Variants in SLIT3 observed in about 807,000 individuals in gnomAD.
SLIT3 encodes the protein slit guidance ligand 3.
In SLIT3, 68 loss-of-function variants were observed where a neutral mutation model predicts 184.0. The ratio of observed to expected loss-of-function variants is 0.37; its 90% CI spans 0.30 to 0.45. SLIT3 has a LOEUF of 0.45. Among genes scored for constraint, SLIT3 ranks in the 20% least tolerant of loss-of-function variants. SLIT3 has a pLI of 1.00. For missense variants in SLIT3, 1,707 were observed against 2,026.0 expected (o/e 0.84, Z 3.02); for synonymous variants, 831 against 828.6 (o/e 1.00, Z -0.05).
intron 1 of SLIT3, among the ~76,000 whole-genome samples, chr5:169,271,192 T>C (rs1040275401): frequency 6.6e-6 from 1 of 152,146 alleles, no homozygotes; most frequent in South Asian, 2.1e-4. Context: ...GCATTCCAGA[T>C]GGAGGCAGCA....
intron 8 of SLIT3, among the ~76,000 whole-genome samples, chr5:168,809,305 G>C (rs1452951522): frequency 6.6e-6 from 1 of 152,126 alleles, no homozygotes; most frequent in African/African-American, 2.4e-5. Flanking sequence ...TGCTGTCAAG[G>C]CAAAAGAAGT....
intron 4 of SLIT3, among the ~76,000 whole-genome samples, chr5:168,946,210 A>G (rs530109474): frequency 1.3e-5 from 2 of 152,238 alleles, no homozygotes; most frequent in East Asian, 1.9e-4. Flanking sequence ...GCTCTTTCTT[A>G]TGGCTGCTGA....
intron 4 of SLIT3, among the ~76,000 whole-genome samples, chr5:169,090,986 T>C (rs1012174243): frequency 6.6e-6 from 1 of 152,216 alleles, no homozygotes; most frequent in African/African-American, 2.4e-5. Context: ...CCCGTGCCCA[T>C]TGTCCTTTCA....
chr5:169,115,471 G>T (rs1760626241), intron 4 of SLIT3, among the ~76,000 whole-genome samples: 1 of 152,102 alleles, frequency 6.6e-6, no homozygotes, highest in African/African-American at 2.4e-5. Context: ...TGATAACCCT[G>T]GGCAGTAGGT....
chr5:169,126,382 G>A (rs1761081651), intron 4 of SLIT3, among the ~76,000 whole-genome samples: 1 of 152,158 alleles, frequency 6.6e-6, no homozygotes, highest in African/African-American at 2.4e-5. Flanking sequence ...CCTCACGCAG[G>A]CAACACCATG....
At chr5:169,277,176 C>A (rs1766836637) in intron 1 of SLIT3, among the ~76,000 whole-genome samples, 1 of 152,108 alleles carries the variant, frequency 6.6e-6, no homozygotes, top group Non-Finnish European at 1.5e-5. Context: ...CTGTAATATC[C>A]TTTTGTGTTT....
At chr5:169,128,002 A>G (rs1418309118) in intron 4 of SLIT3, among the ~76,000 whole-genome samples, 1 of 152,152 alleles carries the variant, frequency 6.6e-6, no homozygotes, top group Non-Finnish European at 1.5e-5. Flanking sequence ...TTCTCAAGGC[A>G]TTAAAAACTT....
At chr5:168,955,409 C>G (rs192546066) in intron 4 of SLIT3, among the ~76,000 whole-genome samples, 42 of 152,170 alleles carry the variant, frequency 2.8e-4, no homozygotes, top group Non-Finnish European at 2.9e-4. Flanking sequence ...TTGCTCCCCA[C>G]TCTCCCTCCC....
chr5:169,292,654 C>T (rs1199485704), intron 1 of SLIT3, among the ~76,000 whole-genome samples: 1 of 152,036 alleles, frequency 6.6e-6, no homozygotes, highest in Non-Finnish European at 1.5e-5. Flanking sequence ...AGGGCAAGCT[C>T]ATTAAAATTG....
intron 9 of SLIT3, among the ~76,000 whole-genome samples, chr5:168,805,494 A>C (rs944609278): frequency 3.3e-5 from 5 of 152,190 alleles, no homozygotes; most frequent in Non-Finnish European, 7.3e-5. Context: ...GGTGAAGGCA[A>C]AAAAATGAAA....
At chr5:168,945,673 A>C (rs11134553) in intron 4 of SLIT3, among the ~76,000 whole-genome samples, 61,453 of 152,096 alleles carry the variant, frequency 0.4, 12,598 homozygotes, top group African/African-American at 0.48. Context: ...GTTATTCCAA[A>C]TATATCAACA....
At chr5:169,229,432 C>T (rs557702515) in intron 3 of SLIT3, among the ~76,000 whole-genome samples, 1 of 152,278 alleles carries the variant, frequency 6.6e-6, no homozygotes, top group East Asian at 1.9e-4. Flanking sequence ...TTAACACATA[C>T]ATACTTTCTG....
chr5:168,800,435 A>C (rs923010683), intron 9 of SLIT3, among the ~76,000 whole-genome samples: 2 of 152,058 alleles, frequency 1.3e-5, no homozygotes, highest in African/African-American at 4.8e-5. Context: ...AAATACAAAA[A>C]AATTAGCTGG....
intron 4 of SLIT3, among the ~76,000 whole-genome samples, chr5:169,028,524 T>C (rs1756913523): frequency 6.6e-6 from 1 of 152,250 alleles, no homozygotes; most frequent in African/African-American, 2.4e-5. Context: ...GTAAAGTGCC[T>C]TGTACAGTGC....
At chr5:169,111,915 T>C (rs1176211981) in intron 4 of SLIT3, among the ~76,000 whole-genome samples, 1 of 152,216 alleles carries the variant, frequency 6.6e-6, no homozygotes, top group Admixed American at 6.5e-5. Flanking sequence ...CCTCTGCATC[T>C]TGGGTCTTCC....
intron 4 of SLIT3, among the ~76,000 whole-genome samples, chr5:168,899,668 G>T (rs1249943127): frequency 2.0e-5 from 3 of 152,186 alleles, no homozygotes; most frequent in Non-Finnish European, 4.4e-5. Flanking sequence ...AGTGATGATT[G>T]CCATAAAGAA....
chr5:168,702,961 C>T (rs1188569185), intron 26 of SLIT3, among the ~76,000 whole-genome samples: 1 of 152,074 alleles, frequency 6.6e-6, no homozygotes, highest in Non-Finnish European at 1.5e-5. Flanking sequence ...CCAACTATGG[C>T]GGTGGTGGTG....
intron 3 of SLIT3, among the ~76,000 whole-genome samples, chr5:169,222,662 ACTTACT>A (rs1764651567): frequency 6.6e-6 from 1 of 152,236 alleles, no homozygotes. Flanking sequence ...CTATGCCGTA[ACTTACT>A]CTTAGTAAAA....
Position 168,817,343 on chromosome 5 carries a change from GC to G in SLIT3, c.749del (p.Gly250AlafsTer49), listed in dbSNP as rs752104649. 1.2e-6 allele frequency: 2 copies of G among 1,614,174 alleles called. No homozygotes were observed. The highest frequency in any genetic ancestry group is 1.7e-6 in the Non-Finnish European group (2 of 1,180,026). On this transcript the variant is annotated frameshift_variant, in exon 8 of 36. Transcript: ENST00000519560. LOFTEE classifies it high-confidence loss of function. ...TLCMAPVHLR[G>X]FNVADVQKKE... ...TCTTCTGCACATCCGCCACGTTGAA[GC>G]CCCTCAAATGCACAGGAGCCATGCA...
Sources: allele counts gnomAD v4.1 joint callset (sites outside exome capture counted in the v4.1 genomes callset), GRCh38; gene constraint gnomAD v4.1.1; transcripts MANE v1.5; gene names NCBI Gene and HGNC (gene_info 2026-07-23, HGNC 2026-07-21).